SOX6: variants seen among roughly 807,000 people sequenced by gnomAD.
The protein encoded by SOX6 is SRY-box transcription factor 6.
A neutral mutation model predicts 97.8 loss-of-function variants in SOX6; 11 were observed. The observed-to-expected ratio is 0.11, with a 90% CI of 0.07 to 0.19. The LOEUF (loss-of-function observed/expected upper bound fraction) is 0.19. SOX6 is among the 10% of genes least tolerant of loss of function. The pLI is 1.00. For missense variants in SOX6, 810 were observed against 1,039.5 expected (o/e 0.78, Z 3.04); for synonymous variants, 360 against 371.4 (o/e 0.97, Z 0.35).
chr11:16,560,253 C>T (rs1425231312), intron 4 of SOX6, among the ~76,000 whole-genome samples: 1 of 152,082 alleles, frequency 6.6e-6, no homozygotes, highest in African/African-American at 2.4e-5. Flanking sequence ...ATAGTGCATG[C>T]CTTAATGACC....
chr11:16,403,361 G>A (rs977930790), intron 1 of SOX6, among the ~76,000 whole-genome samples: 2 of 151,668 alleles, frequency 1.3e-5, no homozygotes, highest in African/African-American at 4.8e-5. Context: ...AAGGACTGGA[G>A]AATGGGTGCC....
chr11:16,508,242 A>G (rs952047482), intron 4 of SOX6, among the ~76,000 whole-genome samples: 1 of 152,172 alleles, frequency 6.6e-6, no homozygotes, highest in African/African-American at 2.4e-5. Flanking sequence ...AGACAAAAAA[A>G]TAACAGATGC....
chr11:16,035,433 G>T (rs942742817), intron 12 of SOX6, among the ~76,000 whole-genome samples: 1 of 152,172 alleles, frequency 6.6e-6, no homozygotes, highest in African/African-American at 2.4e-5. Flanking sequence ...TGTGTGAAAT[G>T]CTTTGCAAAC....
At chr11:16,513,104 A>G (rs759817781) in intron 4 of SOX6, among the ~76,000 whole-genome samples, 7 of 152,214 alleles carry the variant, frequency 4.6e-5, no homozygotes, top group Admixed American at 2.6e-4. Flanking sequence ...TCTACAACAC[A>G]TTGTTAGGTT....
chr11:16,469,291 C>G (rs574641971), intron 1 of SOX6, among the ~76,000 whole-genome samples: 1 of 152,056 alleles, frequency 6.6e-6, no homozygotes, highest in Non-Finnish European at 1.5e-5. Context: ...TATTCAGGGA[C>G]TGGTCCAAAA....
At chr11:16,458,779 T>G (rs1859861901) in intron 1 of SOX6, among the ~76,000 whole-genome samples, 1 of 151,990 alleles carries the variant, frequency 6.6e-6, no homozygotes, top group African/African-American at 2.4e-5. Context: ...AAAAAAATAG[T>G]GATTCCTGAG....
chr11:16,184,320 G>T (rs1267446203), intron 5 of SOX6, among the ~76,000 whole-genome samples: 2 of 152,084 alleles, frequency 1.3e-5, no homozygotes, highest in Admixed American at 6.6e-5. Flanking sequence ...AGTAAAATCT[G>T]TAAGCAAAGA....
At chr11:16,335,349 C>T (rs925959001) in intron 2 of SOX6, among the ~76,000 whole-genome samples, 1 of 152,130 alleles carries the variant, frequency 6.6e-6, no homozygotes. Context: ...CTCAAGAAGT[C>T]TAAACCTTAC....
intron 4 of SOX6, among the ~76,000 whole-genome samples, chr11:16,527,792 C>A (rs545144648): frequency 6.6e-6 from 1 of 152,086 alleles, no homozygotes; most frequent in South Asian, 2.1e-4. Flanking sequence ...CAAACAGAGA[C>A]AAGTAGAGCC....
At chr11:16,251,987 C>CT (rs200471953) in intron 3 of SOX6, among the ~76,000 whole-genome samples, 9 of 58,800 alleles carry the variant, frequency 1.5e-4, no homozygotes, top group South Asian at 5.1e-4. Context: ...TTGTAATTTT[C>CT]TTTTAAAAAA....
chr11:16,121,419 T>G (rs1849486410), intron 6 of SOX6, among the ~76,000 whole-genome samples: 1 of 152,028 alleles, frequency 6.6e-6, no homozygotes, highest in Non-Finnish European at 1.5e-5. Context: ...TCAACAGCCA[T>G]TTAGTGAGAA....
In SOX6 at chr11:16,579,847, T is replaced by C. The variant is rs528780302; in HGVS notation, n.609+32234A>G. 1.9e-4 allele frequency among the ~76,000 whole-genome samples: 29 copies of C among 152,256 alleles called. No individual in the cohort carries two copies. In the South Asian group the frequency reaches 5.8e-3, roughly 30 times the overall value. On this transcript the variant is annotated intron_variant and non_coding_transcript_variant, in intron 4 of 5. Transcript: ENST00000524520. ...TCTGGTCACAGAACAGGCACATGTT[T>C]AACTTTAGTAAATACTGCCAGATAG...
chr11:16,049,096 C>T (rs1197649199), intron 11 of SOX6, among the ~76,000 whole-genome samples: 3 of 152,058 alleles, frequency 2.0e-5, no homozygotes, highest in African/African-American at 7.2e-5. Flanking sequence ...GGAAACTGAA[C>T]TTGAAAATAT....
intron 4 of SOX6, among the ~76,000 whole-genome samples, chr11:16,548,410 G>A (rs539296690): frequency 1.4e-4 from 22 of 152,178 alleles, no homozygotes; most frequent in African/African-American, 4.1e-4. Context: ...AAAGATAGTC[G>A]TGAATAATTG....
chr11:16,617,533 G>T (rs1848486533), intron 3 of SOX6, among the ~76,000 whole-genome samples: 1 of 151,822 alleles, frequency 6.6e-6, no homozygotes, highest in South Asian at 2.1e-4. Flanking sequence ...TCAGCATCAT[G>T]ATATGGTTGT....
chr11:16,002,133 G>A (rs533220411), intron 13 of SOX6, among the ~76,000 whole-genome samples: 42 of 152,334 alleles, frequency 2.8e-4, no homozygotes, highest in African/African-American at 9.4e-4. Flanking sequence ...GGACCAGCCT[G>A]ATGGAGGCAG....
intron 13 of SOX6, among the ~76,000 whole-genome samples, chr11:16,010,674 G>A (rs1487798348): frequency 6.6e-6 from 1 of 151,948 alleles, no homozygotes; most frequent in East Asian, 1.9e-4. Context: ...CTGGGGGAAA[G>A]GAGAGCAGAG....
At chr11:16,211,327 G>A (rs1208191006) in intron 4 of SOX6, among the ~76,000 whole-genome samples, 1 of 152,072 alleles carries the variant, frequency 6.6e-6, no homozygotes, top group Non-Finnish European at 1.5e-5. Context: ...AACAGACTGT[G>A]TGGAGACAAA....
intron 1 of SOX6, among the ~76,000 whole-genome samples, chr11:16,462,245 G>A (rs1295897981): frequency 6.6e-6 from 1 of 152,196 alleles, no homozygotes; most frequent in East Asian, 1.9e-4. Flanking sequence ...CTATTAACTT[G>A]CAAGCAGGCC....
Sources: allele counts gnomAD v4.1 joint callset (sites outside exome capture counted in the v4.1 genomes callset), GRCh38; gene constraint gnomAD v4.1.1; transcripts MANE v1.5; gene names NCBI Gene and HGNC (gene_info 2026-07-23, HGNC 2026-07-21).